The following DEPDC5 variants were observed in gnomAD, a reference collection of about 807,000 sequenced individuals.
DEPDC5 encodes the protein GATOR1 complex protein DEPDC5.
Under a neutral mutation model 217.3 loss-of-function variants are expected in DEPDC5, and 73 were observed. The observed-to-expected ratio is 0.34, with a 90% CI of 0.28 to 0.41. The LOEUF (loss-of-function observed/expected upper bound fraction) is 0.41. DEPDC5 is among the 10% of genes least tolerant of loss of function. The pLI is 1.00. For missense variants in DEPDC5, 1,675 were observed against 2,070.1 expected (o/e 0.81, Z 3.70); for synonymous variants, 733 against 756.7 (o/e 0.97, Z 0.51).
At chr22:31,848,954 A>G (rs960634604) in intron 31 of DEPDC5, among the ~76,000 whole-genome samples, 1 of 152,202 alleles carries the variant, frequency 6.6e-6, no homozygotes, top group Non-Finnish European at 1.5e-5. Flanking sequence ...TTGCATAGCA[A>G]GAGAGACCTT....
At chr22:31,761,412 T>G (rs1015342297) in intron 4 of DEPDC5, among the ~76,000 whole-genome samples, 2 of 152,136 alleles carry the variant, frequency 1.3e-5, no homozygotes, top group African/African-American at 4.8e-5. Context: ...GTTAGTTCAC[T>G]TAGGATAATG....
chr22:31,760,234 AT>A (rs2082278791), intron 3 of DEPDC5, among the ~76,000 whole-genome samples: 1 of 151,486 alleles, frequency 6.6e-6, no homozygotes, highest in Non-Finnish European at 1.5e-5. Context: ...TGCCCGGCTA[AT>A]TTTTTTGTAT....
intron 7 of DEPDC5, 54 bp downstream of exon 7, chr22:31,768,917 C>A: frequency 1.3e-6 from 2 of 1,593,688 alleles, no homozygotes; most frequent in Admixed American, 1.7e-5. Context: ...CTACATAAAG[C>A]AGTGGAGGCG....
chr22:31,864,111 C>CTT (rs71783325), intron 33 of DEPDC5, among the ~76,000 whole-genome samples: 2 of 141,426 alleles, frequency 1.4e-5, no homozygotes, highest in Admixed American at 7.1e-5. Flanking sequence ...TGGATGCTTT[C>CTT]TTTTTTTTTT....
intron 14 of DEPDC5, among the ~76,000 whole-genome samples, chr22:31,801,447 G>C (rs1265041543): frequency 6.6e-6 from 1 of 152,124 alleles, no homozygotes; most frequent in African/African-American, 2.4e-5. Flanking sequence ...TAGCAGTGTG[G>C]TATGATTATC....
chr22:31,904,001 C>T (rs1018607745), intron 41 of DEPDC5, among the ~76,000 whole-genome samples: 9 of 152,130 alleles, frequency 5.9e-5, no homozygotes, highest in African/African-American at 2.2e-4. Context: ...CTAAATGACA[C>T]ATCAGCCCAC....
At chr22:31,879,791 G>A (rs1427897676) in intron 38 of DEPDC5, 39 bp downstream of exon 38, 12 of 1,576,410 alleles carry the variant, frequency 7.6e-6, no homozygotes, top group East Asian at 4.6e-5. Flanking sequence ...GGGTGTGCCA[G>A]TGGGTGGCTG....
In DEPDC5 at chr22:31,778,150, C is replaced by T. The variant is rs2084068528; in HGVS notation, c.465C>T (p.Tyr155=). The change falls in exon 8 of 43, where the codon TAC becomes TAT. Residue 155 remains tyrosine, a synonymous_variant. Transcript: ENST00000651528. ...AGAATGAGAAGGTCATGTGTGGCTACATCAGTGAAGATACCAGGGTAAGAT... is the reference window on the plus strand; with the variant it reads ...AGAATGAGAAGGTCATGTGTGGCTATATCAGTGAAGATACCAGGGTAAGAT... The part of the protein sequence containing the change: ...WVKNEKVMCG[Y]ISEDTRVVFR... 3.7e-6 allele frequency: 6 copies of T among 1,614,150 alleles called. No homozygotes were observed. Among genetic ancestry groups the T allele is most frequent in the Non-Finnish European group, 5.1e-6 (6 of 1,179,988 alleles).
intron 31 of DEPDC5, among the ~76,000 whole-genome samples, chr22:31,855,521 C>G (rs938606538): frequency 8.6e-5 from 13 of 151,486 alleles, no homozygotes; most frequent in Admixed American, 8.5e-4. Context: ...GGACTACAGG[C>G]GCCCGCCACA....
chr22:31,803,218 CT>C (rs1009632663), intron 15 of DEPDC5, among the ~76,000 whole-genome samples: 131 of 145,244 alleles, frequency 9.0e-4, no homozygotes, highest in Middle Eastern at 3.5e-3. Context: ...TTCTTTCTTT[CT>C]TTTTTTTTTT....
chr22:31,811,996 CT>C (rs1274703675), intron 20 of DEPDC5, among the ~76,000 whole-genome samples: 1 of 147,726 alleles, frequency 6.8e-6, no homozygotes, highest in Admixed American at 6.8e-5. Flanking sequence ...TTTTTTTTTT[CT>C]TTTTTTTTCG....
At chr22:31,880,744 A>T (rs539214607) in intron 38 of DEPDC5, among the ~76,000 whole-genome samples, 49 of 152,196 alleles carry the variant, frequency 3.2e-4, no homozygotes, top group Admixed American at 7.2e-4. Flanking sequence ...TATTAAAAAT[A>T]CAAAATTAGA....
At chr22:31,805,738 C>A (rs1347459448) in intron 17 of DEPDC5, among the ~76,000 whole-genome samples, 4 of 152,064 alleles carry the variant, frequency 2.6e-5, no homozygotes, top group Non-Finnish European at 5.9e-5. Flanking sequence ...AAGTTCATGG[C>A]AAAGCTGCAG....
At chr22:31,763,180 A>G (rs1274724510) in intron 4 of DEPDC5, among the ~76,000 whole-genome samples, 1 of 152,016 alleles carries the variant, frequency 6.6e-6, no homozygotes, top group African/African-American at 2.4e-5. Flanking sequence ...TAGTGGAGAC[A>G]GGGTTTCACT....
chr22:31,799,147 G>A (rs775639312), intron 14 of DEPDC5, among the ~76,000 whole-genome samples: 4 of 151,330 alleles, frequency 2.6e-5, no homozygotes, highest in Admixed American at 6.6e-5. Context: ...GGGTTCAGGC[G>A]ATTCTCCTGC....
At chr22:31,755,949 T>C (rs1261059549) in intron 2 of DEPDC5, among the ~76,000 whole-genome samples, 1 of 151,872 alleles carries the variant, frequency 6.6e-6, no homozygotes, top group African/African-American at 2.4e-5. Flanking sequence ...CTCAGCTCAC[T>C]GCAACCTCCA....
rs538919001 is a variant in DEPDC5 at position 31,893,232 on chromosome 22, T to C, written c.4034-350T>C. On this transcript the variant is annotated intron_variant, in intron 38 of 42. Transcript: ENST00000651528. ...ATAGTGACACGTATCTAACATGATATCCTACAGAATAGTTTAACCGCCCTA... is the reference window on the plus strand; with the variant it reads ...ATAGTGACACGTATCTAACATGATACCCTACAGAATAGTTTAACCGCCCTA... Among the ~76,000 whole-genome samples, 7 of 152,270 alleles carry C rather than the reference T, an allele frequency of 4.6e-5. No homozygotes were observed. In the South Asian group the frequency reaches 1.4e-3, roughly 32 times the overall value.
intron 25 of DEPDC5, among the ~76,000 whole-genome samples, chr22:31,836,017 C>T (rs1318673765): frequency 6.6e-6 from 1 of 152,236 alleles, no homozygotes; most frequent in Non-Finnish European, 1.5e-5. Flanking sequence ...TTTTCGGCTT[C>T]GTATTGCTCC....
intron 40 of DEPDC5, among the ~76,000 whole-genome samples, chr22:31,900,708 C>T (rs2034601319): frequency 6.6e-6 from 1 of 151,598 alleles, no homozygotes; most frequent in South Asian, 2.1e-4. Context: ...CATTGCACTC[C>T]AGCCTGGGCA....
Sources: gnomAD v4.1 joint callset for allele counts (sites outside exome capture counted in the v4.1 genomes callset) on GRCh38, gnomAD v4.1.1 for gene constraint, MANE v1.5 for transcripts, NCBI Gene and HGNC (gene_info 2026-07-23, HGNC 2026-07-21) for gene names.